The following CLCN7 variants were observed in gnomAD, a reference collection of about 807,000 sequenced individuals.
CLCN7 encodes H(+)/Cl(-) exchange transporter 7.
Under a neutral mutation model 102.1 loss-of-function variants are expected in CLCN7, and 60 were observed. The observed-to-expected ratio is 0.59, with a 90% CI of 0.48 to 0.73. The LOEUF (loss-of-function observed/expected upper bound fraction) is 0.73, where lower values mean the gene tolerates loss of function less well. Ranked by LOEUF, CLCN7 falls within the 30% of genes least tolerant of loss-of-function variation. CLCN7 has a pLI of 0.00. For missense variants in CLCN7, 962 were observed against 1,125.7 expected (o/e 0.85, Z 2.08); for synonymous variants, 560 against 490.5 (o/e 1.14, Z -1.87).
intron 2 of CLCN7, 28 bp downstream of exon 2, chr16:1,465,239 G>A (rs979150611): frequency 3.1e-6 from 5 of 1,602,726 alleles, no homozygotes; most frequent in Non-Finnish European, 4.3e-6. Flanking sequence ...CTAGCTCTGC[G>A]GGAGGACGGG....
In CLCN7 at chr16:1,461,469, C is replaced by A. The variant is rs906282742; in HGVS notation, c.287G>T (p.Ser96Ile). The A allele has an allele frequency of 1.3e-6, 2 of 1,577,112 alleles. No homozygotes were observed. The highest frequency in any genetic ancestry group is 1.7e-6 in the Non-Finnish European group (2 of 1,162,062). The stretch of plus-strand genomic sequence containing the variant: ...GTTCTCACTGTTGTCATAGTCCAAG[C>A]TCTGCAGGCCGGGACAGCAAGGGCA... ...NEKLLSLKYE[S>I]LDYDNSENQL... The change falls in exon 4 of 25, where the codon AGC (serine) becomes ATC (isoleucine). Residue 96 changes from serine (S) to isoleucine (I), a missense_variant and splice_region_variant. Ser to Ile is a moderately radical substitution (Grantham distance 142). Around this residue, in one of 2 missense-constraint regions of CLCN7, gnomAD observed 799 missense variants for 988.0 expected, o/e 0.81. Transcript: ENST00000382745.
In CLCN7 at chr16:1,446,491, G is replaced by A. The variant is rs547400996; in HGVS notation, c.*140C>T. On this transcript the variant is annotated 3_prime_UTR_variant, in exon 25 of 25. Coordinates refer to ENST00000382745, the MANE Select transcript of CLCN7 (RefSeq NM_001287.6). ...CGAGAGGGTCAGTTCCGCGCCTGCC[G>A]CCTGCCCGCCCAGCTGCAGGGTGCT... 6.4e-5 allele frequency: 51 copies of A among 801,638 alleles called. No individual in the cohort carries two copies. The highest frequency in any genetic ancestry group is 2.7e-4 in the East Asian group (10 of 37,702). 49.7% of individuals were successfully genotyped at this position (801,638 alleles called of 1,614,324 possible).
intron 17 of CLCN7, chr16:1,450,252 G>A (rs535351875): frequency 4.2e-5 from 24 of 572,350 alleles, no homozygotes; most frequent in African/African-American, 1.7e-4. Flanking sequence ...AAGGACACGA[G>A]CCTCCGCCCC....
At chr16:1,462,681 A>AAAAAAC (rs2038956535) in intron 2 of CLCN7, among the ~76,000 whole-genome samples, 3 of 131,344 alleles carry the variant, frequency 2.3e-5, no homozygotes, top group African/African-American at 8.0e-5. Context: ...AAAAAAAAAA[A>AAAAAAC]AAAAAACCAG....
chr16:1,452,423 G>A, intron 15 of CLCN7: 1 of 382,002 alleles, frequency 2.6e-6, no homozygotes, highest in Non-Finnish European at 4.9e-6. Flanking sequence ...AGGTCCAGTT[G>A]TGGACGGAGG....
At position 1,455,265 on chromosome 16, in the gene CLCN7, A is replaced by G. The variant is rs2038816587; in HGVS notation, c.982-15T>C. On this transcript the variant is annotated splice_polypyrimidine_tract_variant and intron_variant, in intron 11 of 24. Transcript: ENST00000382745. ...GAAGCAAAGAACTGCGGCAGAGGGC[A>G]GGAAACCAGCGCCCTCAGAGCCACG... The G allele has an allele frequency of 2.0e-6, 3 of 1,516,192 alleles. No individual in the cohort carries two copies. The highest frequency in any genetic ancestry group is 2.7e-6 in the Non-Finnish European group (3 of 1,091,424). 93.9% of individuals were successfully genotyped at this position (1,516,192 alleles called of 1,614,324 possible).
At chr16:1,460,994 G>A in intron 4 of CLCN7, 46 bp from the exon 5 acceptor site, 1 of 1,604,648 alleles carries the variant, frequency 6.2e-7, no homozygotes, top group Non-Finnish European at 8.5e-7. Context: ...CCCTGGCGCA[G>A]TCACTCTGGC....
At position 1,465,134 on chromosome 16, in the gene CLCN7, C is replaced by G. The variant is rs184630696; in HGVS notation, c.213+133G>C. ...ACTTGGCGTCAGGGACCATGTCCCC[C>G]CAAGGAAATCTTCCCTGAACCCCGG... On this transcript the variant is annotated intron_variant, in intron 2 of 24. Transcript: ENST00000382745. 3,145 of 783,290 alleles carry G rather than the reference C, an allele frequency of 4.0e-3. 47 individuals carry two copies. The highest frequency in any genetic ancestry group is 0.016 in the East Asian group (620 of 37,580). The allele number at this position is 783,290 out of a possible 1,614,324, so 48.5% of individuals were successfully genotyped here.
At position 1,453,494 on chromosome 16, in the gene CLCN7, G is replaced by A. The variant is rs147064150; in HGVS notation, c.1214+340C>T. Among the ~76,000 whole-genome samples, 465 of 152,330 alleles carry A rather than the reference G, an allele frequency of 3.1e-3. 5 individuals carry two copies. The highest frequency in any genetic ancestry group is 0.011 in the African/African-American group (442 of 41,574). On this transcript the variant is annotated intron_variant, in intron 14 of 24. Transcript: ENST00000382745. The stretch of plus-strand genomic sequence containing the variant: ...AAGAAGGAAGAAGCCGGGGGGCCCC[G>A]GTGTCCCAGGACAGCTGCGGTTGCT...
chr16:1,465,216 TGC>T, intron 2 of CLCN7, 49 bp downstream of exon 2: 1 of 1,567,286 alleles, frequency 6.4e-7, no homozygotes, highest in Non-Finnish European at 8.8e-7. Context: ...TGTCACCCTC[TGC>T]TAAGATGCAG....
chr16:1,461,946 G>C (rs546771566), intron 2 of CLCN7, among the ~76,000 whole-genome samples: 4 of 151,930 alleles, frequency 2.6e-5, no homozygotes, highest in Non-Finnish European at 5.9e-5. Context: ...TTAGCTGGGC[G>C]TGGTGGTGGG....
intron 10 of CLCN7, 53 bp from the exon 11 acceptor site, chr16:1,455,848 C>G: frequency 6.3e-7 from 1 of 1,580,128 alleles, no homozygotes; most frequent in Non-Finnish European, 8.7e-7. Flanking sequence ...GCACCATGCC[C>G]ACCACCAACT....
rs758628382 is a variant in CLCN7 at position 1,454,510 on chromosome 16, C to G, written c.1099-45G>C. 5.8e-6 allele frequency: 9 copies of G among 1,559,102 alleles called. No individual in the cohort carries two copies. The Admixed American group carries it at 1.5e-4, about 26-fold the overall frequency. On this transcript the variant is annotated intron_variant, in intron 12 of 24. Coordinates refer to ENST00000382745, the MANE Select transcript of CLCN7 (RefSeq NM_001287.6). ...AGGCAGAGGATGTGAGGGAAAAGGCCCACAGCTCCTTTCTGCTGAAACTCA... is the reference window on the plus strand; with the variant it reads ...AGGCAGAGGATGTGAGGGAAAAGGCGCACAGCTCCTTTCTGCTGAAACTCA...
At chr16:1,473,400 G>A (rs1305250333) in intron 1 of CLCN7, among the ~76,000 whole-genome samples, 1 of 108,110 alleles carries the variant, frequency 9.2e-6, no homozygotes, top group South Asian at 3.4e-4. Context: ...TTTTTGAGAC[G>A]GAGTCTCGCT....
intron 1 of CLCN7, among the ~76,000 whole-genome samples, chr16:1,473,922 T>C (rs1227067050): frequency 6.6e-6 from 1 of 151,654 alleles, no homozygotes; most frequent in Non-Finnish European, 1.5e-5. Flanking sequence ...CCGTCTCTAC[T>C]AAAAATACAA....
intron 1 of CLCN7, among the ~76,000 whole-genome samples, chr16:1,473,638 G>T (rs895121402): frequency 6.6e-6 from 1 of 151,712 alleles, no homozygotes; most frequent in African/African-American, 2.4e-5. Flanking sequence ...CTCCCAAAGT[G>T]CTGGGATTAC....
At position 1,455,910 on chromosome 16, in the gene CLCN7, G is replaced by A. The variant is rs558952802; in HGVS notation, c.917-115C>T. 9.0e-6 allele frequency: 11 copies of A among 1,228,876 alleles called. No homozygotes were observed. In the East Asian group the frequency reaches 1.7e-4, roughly 19 times the overall value. The allele number at this position is 1,228,876 out of a possible 1,614,324, so 76.1% of individuals were successfully genotyped here. ...GACCACGTCAGAAAGAAGCTAATGG[G>A]GTGGGCCCCAGCCACACAGAGAGGG... On this transcript the variant is annotated intron_variant, in intron 10 of 24. Transcript: ENST00000382745.
intron 15 of CLCN7, 99 bp downstream of exon 15, chr16:1,452,656 C>A (rs143293489): frequency 1.8e-5 from 24 of 1,306,384 alleles, no homozygotes; most frequent in Non-Finnish European, 2.3e-5. Flanking sequence ...TGGAACTCGG[C>A]GGGGTGGGCA....
intron 1 of CLCN7, among the ~76,000 whole-genome samples, chr16:1,468,098 A>G (rs1315277247): frequency 6.6e-6 from 1 of 152,078 alleles, no homozygotes; most frequent in Non-Finnish European, 1.5e-5. Context: ...TTAAAAAAAA[A>G]AACCCAAACA....
Sources: gnomAD v4.1 joint callset for allele counts (sites outside exome capture counted in the v4.1 genomes callset) on GRCh38, gnomAD v4.1.1 for gene constraint, gnomAD v4.1.1 regional missense constraint, MANE v1.5 for transcripts, NCBI Gene and HGNC (gene_info 2026-07-23, HGNC 2026-07-21) for gene names.